Variants in JAM2 observed in about 807,000 individuals in gnomAD.
The protein encoded by JAM2 is junctional adhesion molecule 2.
Under a neutral mutation model 42.0 loss-of-function variants are expected in JAM2, and 17 were observed. The observed-to-expected ratio is 0.40, with a 90% CI of 0.28 to 0.61. JAM2 has a LOEUF of 0.61. JAM2 is among the 20% of genes least tolerant of loss of function. JAM2 has a pLI of 0.37. For missense variants in JAM2, 319 were observed against 358.3 expected (o/e 0.89, Z 0.89); for synonymous variants, 118 against 128.6 (o/e 0.92, Z 0.56).
intron 1 of JAM2, among the ~76,000 whole-genome samples, chr21:25,645,591 G>T (rs2032584500): frequency 6.6e-6 from 1 of 152,148 alleles, no homozygotes; most frequent in Non-Finnish European, 1.5e-5. Context: ...ATAGTTTATT[G>T]ATAAATATAC....
intron 1 of JAM2, among the ~76,000 whole-genome samples, chr21:25,677,092 C>A (rs1479503238): frequency 6.6e-6 from 1 of 151,772 alleles, no homozygotes; most frequent in Non-Finnish European, 1.5e-5. Flanking sequence ...AAAATAGGTA[C>A]AATGTATGTT....
chr21:25,670,584 T>C (rs1454071446), intron 1 of JAM2, among the ~76,000 whole-genome samples: 5 of 152,224 alleles, frequency 3.3e-5, no homozygotes, highest in African/African-American at 1.2e-4. Flanking sequence ...CTGATTTTAA[T>C]GTGTGCAGAT....
chr21:25,639,996 G>A (rs2032384688), intron 1 of JAM2, 108 bp downstream of exon 1: 2 of 732,992 alleles, frequency 2.7e-6, no homozygotes, highest in East Asian at 3.3e-5. Context: ...CTGGGCCGAG[G>A]TCGCCGCGGG....
chr21:25,709,997 T>C (rs1418839851), intron 8 of JAM2: 1 of 152,384 alleles, frequency 6.6e-6, no homozygotes, highest in Non-Finnish European at 1.5e-5. Flanking sequence ...GCAAGGCAAA[T>C]ATCCAGACTC....
At chr21:25,707,017 T>C (rs922444440) in intron 7 of JAM2, among the ~76,000 whole-genome samples, 4 of 152,158 alleles carry the variant, frequency 2.6e-5, no homozygotes, top group Non-Finnish European at 5.9e-5. Context: ...GGATAACAGG[T>C]GTGAGCCACC....
At chr21:25,706,742 T>G (rs9981004) in intron 7 of JAM2, among the ~76,000 whole-genome samples, 81,351 of 151,786 alleles carry the variant, frequency 0.54, 24,290 homozygotes, top group Non-Finnish European at 0.67. Flanking sequence ...TAAGATTTTT[T>G]TTTGTTTGTT....
At chr21:25,659,427 AAAAT>A (rs1426048325) in intron 1 of JAM2, among the ~76,000 whole-genome samples, 1 of 152,166 alleles carries the variant, frequency 6.6e-6, no homozygotes, top group Non-Finnish European at 1.5e-5. Context: ...CCTTCCTTTT[AAAAT>A]AAATAAATAA....
chr21:25,645,170 C>T (rs906961521), intron 1 of JAM2, among the ~76,000 whole-genome samples: 2 of 152,168 alleles, frequency 1.3e-5, no homozygotes, highest in Admixed American at 6.5e-5. Flanking sequence ...CGTGAGCCAC[C>T]GCGCCTGGCC....
chr21:25,643,547 G>A (rs1416184517), intron 1 of JAM2: 2 of 152,140 alleles, frequency 1.3e-5, no homozygotes, highest in Non-Finnish European at 2.9e-5. Context: ...AGCACTCCAG[G>A]GAACCGGTAC....
intron 1 of JAM2, among the ~76,000 whole-genome samples, chr21:25,645,020 A>G (rs2032565435): frequency 6.6e-6 from 1 of 152,130 alleles, no homozygotes; most frequent in Non-Finnish European, 1.5e-5. Context: ...AGCTGGGATT[A>G]TAGGCTCCCA....
chr21:25,717,308 T>C lies in JAM2; in HGVS notation c.*2636T>C, dbSNP rs1488969078. 1.2e-5 allele frequency: 2 copies of C among 169,046 alleles called. No homozygotes were observed. The highest frequency in any genetic ancestry group is 2.5e-5 in the Non-Finnish European group (2 of 79,504). 10.5% of individuals were successfully genotyped at this position (169,046 alleles called of 1,614,324 possible). A position where few individuals can be genotyped will look rare whatever the true frequency, so the allele number is the denominator to read the frequency against. ...AACACTAACAACTGGTAAAATCCCA[T>C]TGTAATTCTTACAGCATTTTGACTT... On this transcript the variant is annotated 3_prime_UTR_variant, in exon 10 of 10. Coordinates refer to ENST00000480456, the MANE Select transcript of JAM2 (RefSeq NM_021219.4).
chr21:25,663,984 T>C (rs1309123159), intron 1 of JAM2, among the ~76,000 whole-genome samples: 1 of 152,184 alleles, frequency 6.6e-6, no homozygotes, highest in Admixed American at 6.5e-5. Flanking sequence ...TCTTCATTAC[T>C]AGTTCTCTTA....
intron 1 of JAM2, among the ~76,000 whole-genome samples, chr21:25,676,316 A>G (rs2033495386): frequency 6.6e-6 from 1 of 151,440 alleles, no homozygotes; most frequent in Non-Finnish European, 1.5e-5. Flanking sequence ...AAAAGAAAAA[A>G]AAAAAACAAC....
intron 1 of JAM2, among the ~76,000 whole-genome samples, chr21:25,643,247 G>A (rs560562253): frequency 6.6e-6 from 1 of 152,164 alleles, no homozygotes; most frequent in African/African-American, 2.4e-5. Flanking sequence ...TTTCTCTGAG[G>A]CATCATTTAA....
intron 7 of JAM2, among the ~76,000 whole-genome samples, chr21:25,708,452 C>T (rs2034315619): frequency 6.6e-6 from 1 of 152,084 alleles, no homozygotes; most frequent in African/African-American, 2.4e-5. Flanking sequence ...CCTTTAGTTC[C>T]AGCTACTCAG....
At chr21:25,697,989 TCTCTCTCTCC>T (rs913975836) in intron 4 of JAM2, among the ~76,000 whole-genome samples, 41 of 151,522 alleles carry the variant, frequency 2.7e-4, no homozygotes, top group East Asian at 7.7e-4. Flanking sequence ...ACACATTCTC[TCTCTCTCTCC>T]CTCTCTCTCC....
chr21:25,706,241 G>A (rs1490712499), intron 7 of JAM2, among the ~76,000 whole-genome samples, 155 bp downstream of exon 7: 1 of 151,650 alleles, frequency 6.6e-6, no homozygotes, highest in Non-Finnish European at 1.5e-5. Flanking sequence ...TGCAGTGGTG[G>A]CAAAATCTCC....
intron 1 of JAM2, chr21:25,643,512 C>CT (rs1170955753): frequency 6.6e-6 from 1 of 152,140 alleles, no homozygotes; most frequent in African/African-American, 2.4e-5. Flanking sequence ...AAGGTTCTGC[C>CT]TTTTTGCCAG....
At chr21:25,713,056 G>A (rs1042852720) in intron 9 of JAM2, among the ~76,000 whole-genome samples, 2 of 152,176 alleles carry the variant, frequency 1.3e-5, no homozygotes, top group African/African-American at 4.8e-5. Context: ...GGCAAAACAA[G>A]CACCCTCTGG....
Sources: gnomAD v4.1 joint callset for allele counts (sites outside exome capture counted in the v4.1 genomes callset) on GRCh38, gnomAD v4.1.1 for gene constraint, MANE v1.5 for transcripts, NCBI Gene and HGNC (gene_info 2026-07-23, HGNC 2026-07-21) for gene names.